SLC24A2: variants seen among roughly 807,000 people sequenced by gnomAD.
The protein encoded by SLC24A2 is sodium/potassium/calcium exchanger 2.
A neutral mutation model predicts 62.0 loss-of-function variants in SLC24A2; 36 were observed. The observed-to-expected ratio is 0.58, with a 90% CI of 0.44 to 0.77. The LOEUF is 0.77. Ranked by LOEUF, SLC24A2 falls within the 30% of genes least tolerant of loss-of-function variation. The probability of loss-of-function intolerance (pLI) is 0.00; values close to 1 mark genes in which losing one functional copy is unlikely to be tolerated. For synonymous variants in SLC24A2, 358 were observed against 294.0 expected (o/e 1.22, Z -2.23); for missense variants, 846 against 817.9 (o/e 1.03, Z -0.42).
At chr9:19,895,114 A>G in the SLC24A2 span, among the ~76,000 whole-genome samples, 1 of 152,250 alleles carries the variant, frequency 6.6e-6, no homozygotes, top group Non-Finnish European at 1.5e-5. Flanking sequence ...AAACTCCAGC[A>G]AGAGCCACTG....
At chr9:20,298,687 C>G in the SLC24A2 span, among the ~76,000 whole-genome samples, 13 of 152,238 alleles carry the variant, frequency 8.5e-5, no homozygotes, top group Non-Finnish European at 1.6e-4. Flanking sequence ...GGGCTAAACA[C>G]TACACTAAGT....
chr9:19,853,839 T>A, the SLC24A2 span, among the ~76,000 whole-genome samples: 10 of 152,106 alleles, frequency 6.6e-5, no homozygotes, highest in Non-Finnish European at 1.2e-4. Context: ...TACGGAGGAG[T>A]CTATCCTTTT....
At chr9:19,969,183 C>CCCCACACACACACACACA in the SLC24A2 span, among the ~76,000 whole-genome samples, 1 of 122,182 alleles carries the variant, frequency 8.2e-6, no homozygotes, top group Non-Finnish European at 1.7e-5. Flanking sequence ...ACCTCCTTTG[C>CCCCACACACACACACACA]CACACACACA....
At chr9:19,731,190 T>A (rs1385810178) in intron 2 of SLC24A2, among the ~76,000 whole-genome samples, 2 of 152,222 alleles carry the variant, frequency 1.3e-5, no homozygotes, top group Admixed American at 1.3e-4. Context: ...GGAAAAAATA[T>A]GAATTTTAGA....
the SLC24A2 span, among the ~76,000 whole-genome samples, chr9:19,842,856 G>A: frequency 6.6e-6 from 1 of 152,062 alleles, no homozygotes; most frequent in African/African-American, 2.4e-5. Context: ...CTTCCACTAA[G>A]CTCCCAAGTT....
At chr9:20,124,050 ATGCACTGAAATGAGTTAAC>A in the SLC24A2 span, among the ~76,000 whole-genome samples, 1 of 152,198 alleles carries the variant, frequency 6.6e-6, no homozygotes, top group Non-Finnish European at 1.5e-5. Flanking sequence ...TGTTTTGTGA[ATGCACTGAAATGAGTTAAC>A]AGCCTTTCCA....
chr9:19,530,243 G>A (rs1332200604), intron 8 of SLC24A2, among the ~76,000 whole-genome samples: 1 of 152,070 alleles, frequency 6.6e-6, no homozygotes, highest in African/African-American at 2.4e-5. Flanking sequence ...CGTGCAATGA[G>A]GGTTTCATCT....
At chr9:19,532,730 T>C (rs1833767906) in intron 8 of SLC24A2, among the ~76,000 whole-genome samples, 2 of 152,202 alleles carry the variant, frequency 1.3e-5, no homozygotes, top group Admixed American at 6.6e-5. Flanking sequence ...TCAATTACTT[T>C]ATCCTTGTTA....
At chr9:20,289,136 T>G in the SLC24A2 span, among the ~76,000 whole-genome samples, 1 of 152,154 alleles carries the variant, frequency 6.6e-6, no homozygotes, top group Non-Finnish European at 1.5e-5. Flanking sequence ...GAGCAAAACA[T>G]AGGTCATCAT....
chr9:19,967,732 T>G, the SLC24A2 span: 1 of 152,236 alleles, frequency 6.6e-6, no homozygotes, highest in Admixed American at 6.5e-5. Flanking sequence ...ACCTGCTTGC[T>G]GAAGCCACAG....
At chr9:19,616,429 C>T (rs1441281528) in intron 4 of SLC24A2, among the ~76,000 whole-genome samples, 1 of 152,170 alleles carries the variant, frequency 6.6e-6, no homozygotes, top group Non-Finnish European at 1.5e-5. Context: ...CTAGTAAATG[C>T]AGAACTGGGA....
intron 8 of SLC24A2, among the ~76,000 whole-genome samples, chr9:19,534,027 C>G (rs1586906911): frequency 6.6e-6 from 1 of 152,178 alleles, no homozygotes. Flanking sequence ...TGATGGTTAT[C>G]TCATGCTTTC....
At chr9:19,576,534 G>C (rs1471024985) in intron 6 of SLC24A2, among the ~76,000 whole-genome samples, 1 of 152,156 alleles carries the variant, frequency 6.6e-6, no homozygotes, top group Admixed American at 6.5e-5. Flanking sequence ...TTACAGAAAG[G>C]GGACTCTCAC....
the SLC24A2 span, among the ~76,000 whole-genome samples, chr9:19,960,002 G>A: frequency 3.3e-5 from 5 of 152,148 alleles, no homozygotes; most frequent in African/African-American, 1.2e-4. Flanking sequence ...AAGGCTCAAG[G>A]AAGCACACCA....
the SLC24A2 span, among the ~76,000 whole-genome samples, chr9:20,064,625 T>C: frequency 2.0e-5 from 3 of 152,214 alleles, no homozygotes; most frequent in East Asian, 1.9e-4. Flanking sequence ...TCTCTGACTT[T>C]CCCATTGGAA....
chr9:19,830,984 C>T, the SLC24A2 span, among the ~76,000 whole-genome samples: 79 of 152,196 alleles, frequency 5.2e-4, 1 homozygote, highest in South Asian at 2.9e-3. Context: ...TGCAGTGTTG[C>T]GACATCCTCC....
At chr9:20,028,093 T>C in the SLC24A2 span, among the ~76,000 whole-genome samples, 3 of 152,174 alleles carry the variant, frequency 2.0e-5, no homozygotes, top group African/African-American at 7.2e-5. Context: ...CTGATACCAT[T>C]GTAATGATGA....
the SLC24A2 span, among the ~76,000 whole-genome samples, chr9:20,106,076 G>T: frequency 6.6e-6 from 1 of 152,144 alleles, no homozygotes; most frequent in African/African-American, 2.4e-5. Context: ...ACACCTCTAC[G>T]CAAATGAACT....
chr9:19,877,983 G>A, the SLC24A2 span, among the ~76,000 whole-genome samples: 1 of 151,982 alleles, frequency 6.6e-6, no homozygotes, highest in African/African-American at 2.4e-5. Flanking sequence ...TGAGGCTTGG[G>A]GGTAACACCA....
Sources: gnomAD v4.1 joint callset for allele counts (sites outside exome capture counted in the v4.1 genomes callset) on GRCh38, gnomAD v4.1.1 for gene constraint, MANE v1.5 for transcripts, NCBI Gene and HGNC (gene_info 2026-07-23, HGNC 2026-07-21) for gene names.